Variants in DDX10 observed in about 807,000 individuals in gnomAD.
DDX10 encodes DEAD-box helicase 10.
DDX10 carries 74 observed loss-of-function variants against 104.3 expected under a neutral mutation model. The observed-to-expected ratio is 0.71, with a 90% CI of 0.59 to 0.86. DDX10 has a LOEUF of 0.86. Among genes scored for constraint, DDX10 ranks in the 40% least tolerant of loss-of-function variants. The pLI is 0.00. For synonymous variants in DDX10, 351 were observed against 353.4 expected, an observed-to-expected ratio of 0.99 and a Z score of 0.08; for missense variants, 952 against 1,040.0, an observed-to-expected ratio of 0.92 and a Z score of 1.16.
intron 13 of DDX10, among the ~76,000 whole-genome samples, chr11:108,776,927 G>C (rs2094370704): frequency 6.6e-6 from 1 of 152,216 alleles, no homozygotes; most frequent in Admixed American, 6.5e-5. Flanking sequence ...AGAGCTTCCA[G>C]GTGGGGACTT....
At chr11:108,888,152 A>C (rs777014476) in intron 16 of DDX10, among the ~76,000 whole-genome samples, 1 of 152,184 alleles carries the variant, frequency 6.6e-6, no homozygotes, top group Non-Finnish European at 1.5e-5. Flanking sequence ...AATAATGACT[A>C]TAATGAAAAT....
At chr11:108,742,023 C>T (rs561271777) in intron 13 of DDX10, among the ~76,000 whole-genome samples, 55 of 152,244 alleles carry the variant, frequency 3.6e-4, no homozygotes, top group African/African-American at 1.2e-3. Flanking sequence ...CTTTGGGAGG[C>T]CAAGGTGGGT....
At chr11:108,913,223 CATCA>C (rs1863703023) in intron 16 of DDX10, among the ~76,000 whole-genome samples, 1 of 151,956 alleles carries the variant, frequency 6.6e-6, no homozygotes, top group Admixed American at 6.5e-5. Context: ...GGACGTGAGA[CATCA>C]ATCAGTATCT....
chr11:108,679,568 C>CCTG lies in DDX10; in HGVS notation c.848+8_848+9insCTG. 6.5e-7 allele frequency: 1 copy of CCTG among 1,543,080 alleles called. No individual in the cohort carries two copies. Among genetic ancestry groups the CCTG allele is most frequent in the Non-Finnish European group, 8.7e-7 (1 of 1,145,370 alleles). ...TGAAAAAGCAAAATATAGGTATGTA[C>CCTG]TCTTTGAGTCAATCAAGATAAATGT... On this transcript the variant is annotated intron_variant, in intron 6 of 17. Coordinates refer to ENST00000322536, the MANE Select transcript of DDX10 (RefSeq NM_004398.4).
At chr11:108,873,652 A>G (rs1863112225) in intron 16 of DDX10, among the ~76,000 whole-genome samples, 1 of 152,200 alleles carries the variant, frequency 6.6e-6, no homozygotes, top group African/African-American at 2.4e-5. Flanking sequence ...AATTTCTTTC[A>G]TAAAACCTCT....
At chr11:108,785,129 C>T (rs1861773122) in intron 13 of DDX10, among the ~76,000 whole-genome samples, 1 of 152,090 alleles carries the variant, frequency 6.6e-6, no homozygotes, top group Non-Finnish European at 1.5e-5. Flanking sequence ...AATGTCATCA[C>T]AAATGGATGT....
Position 108,895,255 on chromosome 11 carries a change from AGT to A in DDX10, c.2305-22616_2305-22615del, listed in dbSNP as rs1863425861. Among the ~76,000 whole-genome samples, 5 of 151,758 alleles carry A rather than the reference AGT, an allele frequency of 3.3e-5. No individual in the cohort carries two copies. The South Asian group carries it at 8.3e-4, about 25-fold the overall frequency. On this transcript the variant is annotated intron_variant, in intron 16 of 17. Coordinates refer to ENST00000322536, the MANE Select transcript of DDX10 (RefSeq NM_004398.4). ...GAGCATTACATATCATCACTGAATAAGTGATTTTTTTTTTTGCTTGTACTTAA... is the reference window on the plus strand; with the variant it reads ...GAGCATTACATATCATCACTGAATAAGATTTTTTTTTTTGCTTGTACTTAA...
intron 16 of DDX10, among the ~76,000 whole-genome samples, chr11:108,884,186 T>C (rs1451258474): frequency 1.3e-5 from 2 of 152,174 alleles, no homozygotes; most frequent in Non-Finnish European, 2.9e-5. Context: ...ACTAGACAAA[T>C]TTTTTATTTA....
intron 1 of DDX10, 26 bp downstream of exon 1, chr11:108,665,365 T>C (rs1591784821): frequency 6.5e-7 from 1 of 1,536,566 alleles, no homozygotes; most frequent in Non-Finnish European, 8.8e-7. Flanking sequence ...GGGAGGGGGC[T>C]CGGGCCGGCC....
chr11:108,886,382 T>G (rs528200858), intron 16 of DDX10, among the ~76,000 whole-genome samples: 7 of 152,334 alleles, frequency 4.6e-5, no homozygotes, highest in African/African-American at 1.4e-4. Flanking sequence ...AGCTTTTAGC[T>G]CTACAGTCTG....
Position 108,899,222 on chromosome 11 carries a change from G to GT in DDX10, c.2305-18641dup, listed in dbSNP as rs138000243. ...GTAGTTCTGGAACTATCTTTATTGG[G>GT]TTTTTTTTTTCTCCTCCCCCCAACC... On this transcript the variant is annotated intron_variant, in intron 16 of 17. Transcript: ENST00000322536. Among the ~76,000 whole-genome samples, 600 of 147,270 alleles carry GT rather than the reference G, an allele frequency of 4.1e-3. 5 individuals are homozygous for GT. Among genetic ancestry groups the GT allele is most frequent in the Non-Finnish European group, 4.4e-3 (295 of 66,480 alleles).
intron 17 of DDX10, among the ~76,000 whole-genome samples, chr11:108,928,714 C>CTTCA (rs2134673625): frequency 6.6e-6 from 1 of 152,238 alleles, no homozygotes; most frequent in East Asian, 1.9e-4. Context: ...TGCAAAGTTA[C>CTTCA]TGTGAAGATC....
At chr11:108,744,490 A>C (rs144661662) in intron 13 of DDX10, among the ~76,000 whole-genome samples, 46 of 152,242 alleles carry the variant, frequency 3.0e-4, no homozygotes, top group African/African-American at 1.1e-3. Flanking sequence ...ACAGACCCCA[A>C]AGTCTACTGA....
chr11:108,709,354 A>G (rs1314833794), intron 10 of DDX10, among the ~76,000 whole-genome samples: 4 of 152,244 alleles, frequency 2.6e-5, no homozygotes. Flanking sequence ...GAAAGAGATT[A>G]TAGGAAATTG....
intron 13 of DDX10, among the ~76,000 whole-genome samples, chr11:108,733,632 G>T (rs1027242622): frequency 2.6e-5 from 4 of 151,996 alleles, no homozygotes; most frequent in African/African-American, 9.7e-5. Flanking sequence ...GACTTGCCTC[G>T]GTATGATTGT....
At chr11:108,865,745 TTACTC>T (rs774255185) in intron 16 of DDX10, among the ~76,000 whole-genome samples, 31 of 152,232 alleles carry the variant, frequency 2.0e-4, no homozygotes, top group East Asian at 1.5e-3. Flanking sequence ...ATTCATTTGT[TTACTC>T]TACGCATATT....
chr11:108,725,382 G>A (rs1194926433), intron 13 of DDX10, among the ~76,000 whole-genome samples: 1 of 152,078 alleles, frequency 6.6e-6, no homozygotes, highest in Admixed American at 6.6e-5. Flanking sequence ...TTAACTTTGA[G>A]AAACTCCCCA....
intron 13 of DDX10, among the ~76,000 whole-genome samples, chr11:108,746,238 A>C (rs569104050): frequency 2.0e-5 from 3 of 152,022 alleles, no homozygotes; most frequent in African/African-American, 4.8e-5. Flanking sequence ...TATTTTCTCT[A>C]TATATAGATT....
intron 13 of DDX10, among the ~76,000 whole-genome samples, chr11:108,799,696 C>T (rs914861326): frequency 4.6e-5 from 7 of 152,172 alleles, no homozygotes; most frequent in Non-Finnish European, 1.0e-4. Flanking sequence ...CAGATTTCAT[C>T]CTCCTCTGGA....
Sources: allele counts gnomAD v4.1 joint callset (sites outside exome capture counted in the v4.1 genomes callset), GRCh38; gene constraint gnomAD v4.1.1; transcripts MANE v1.5; gene names NCBI Gene and HGNC (gene_info 2026-07-23, HGNC 2026-07-21).